The following PCDHGB1 variants were observed in gnomAD, a reference collection of about 807,000 sequenced individuals.
PCDHGB1 encodes protocadherin gamma subfamily B, 1, also known as protocadherin gamma-B1.
A neutral mutation model predicts 56.6 loss-of-function variants in PCDHGB1; 34 were observed. The ratio of observed to expected loss-of-function variants is 0.60; its 90% CI spans 0.46 to 0.80. The LOEUF (loss-of-function observed/expected upper bound fraction) is 0.80, where lower values mean the gene tolerates loss of function less well. PCDHGB1 is among the 30% of genes least tolerant of loss of function. The pLI, the probability that PCDHGB1 is intolerant of heterozygous loss-of-function variation, is 0.00. For missense variants in PCDHGB1, 1,278 were observed against 1,204.6 expected (o/e 1.06, Z -0.90); for synonymous variants, 561 against 505.9 (o/e 1.11, Z -1.46).
At chr5:141,507,785 C>T (rs1203302886) in intron 3 of PCDHGB1, among the ~76,000 whole-genome samples, 1 of 152,222 alleles carries the variant, frequency 6.6e-6, no homozygotes, top group African/African-American at 2.4e-5. Context: ...GCCTGACCCT[C>T]GTCTAAGCCT....
intron 1 of PCDHGB1, among the ~76,000 whole-genome samples, chr5:141,438,745 T>C (rs1004731034): frequency 4.7e-5 from 7 of 147,392 alleles, no homozygotes; most frequent in Non-Finnish European, 1.0e-4. Flanking sequence ...CACTGCAACC[T>C]CTGCCTCCTG....
intron 1 of PCDHGB1, chr5:141,404,701 G>C (rs563319884): frequency 1.2e-6 from 2 of 1,613,956 alleles, no homozygotes; most frequent in Non-Finnish European, 1.7e-6. Context: ...GCTCTGCAGA[G>C]CCTGGCTACC....
At chr5:141,441,746 C>CGTCAA in intron 1 of PCDHGB1, 1 of 371,314 alleles carries the variant, frequency 2.7e-6, no homozygotes, top group Non-Finnish European at 5.4e-6. Context: ...TCGCGCTCGG[C>CGTCAA]GTCAACGTGA....
chr5:141,494,601 A>T (rs1396717178), intron 1 of PCDHGB1, among the ~76,000 whole-genome samples: 1 of 151,892 alleles, frequency 6.6e-6, no homozygotes, highest in East Asian at 1.9e-4. Context: ...ATGAAATGTG[A>T]TTTATCTCTT....
At chr5:141,426,517 A>G (rs893782433) in intron 1 of PCDHGB1, 5 of 343,020 alleles carry the variant, frequency 1.5e-5, no homozygotes, top group African/African-American at 2.1e-5. Context: ...CTTTACCGTG[A>G]ACACGGAGAA....
intron 1 of PCDHGB1, among the ~76,000 whole-genome samples, chr5:141,435,134 A>G (rs1190517186): frequency 6.6e-6 from 1 of 152,190 alleles, no homozygotes; most frequent in Non-Finnish European, 1.5e-5. Context: ...GAAAATATAA[A>G]TAAAATTGTG....
At position 141,431,215 on chromosome 5, in the gene PCDHGB1, C is replaced by G. The variant is rs1225114172; in HGVS notation, c.2410-63592C>G. 1 of 1,614,184 alleles carries G rather than the reference C, an allele frequency of 6.2e-7. No individual in the cohort carries two copies. Among genetic ancestry groups the G allele is most frequent in the Admixed American group, 1.7e-5 (1 of 60,032 alleles). On this transcript the variant is annotated intron_variant, in intron 1 of 3. Coordinates refer to ENST00000523390, the MANE Select transcript of PCDHGB1 (RefSeq NM_018922.3). This position sits in a 1 kb window ranked among gnomAD's most constrained non-coding sequence, Gnocchi z 4.8. ...AAAATGCAGCCACTGAGATGCGGTTCCCTCTACCCCACGCCTGGGATCCGG... is the reference window on the plus strand; with the variant it reads ...AAAATGCAGCCACTGAGATGCGGTTGCCTCTACCCCACGCCTGGGATCCGG...
chr5:141,505,322 G>A, intron 2 of PCDHGB1, 71 bp from the exon 3 acceptor site: 1 of 1,606,332 alleles, frequency 6.2e-7, no homozygotes, highest in African/African-American at 1.3e-5. Context: ...TGGGAGCCCT[G>A]GGAGAGGACA....
At chr5:141,413,867 T>TTG in intron 1 of PCDHGB1, 1 of 1,613,428 alleles carries the variant, frequency 6.2e-7, no homozygotes, top group Non-Finnish European at 8.5e-7. Flanking sequence ...GGCACTGTCC[T>TTG]TGTCAGTGTG....
rs1761587141 is a variant in PCDHGB1 at position 141,360,419 on chromosome 5, T to C, written c.2409+7750T>C. The C allele has an allele frequency of 1.2e-6, 2 of 1,613,968 alleles. No individual in the cohort carries two copies. The highest frequency in any genetic ancestry group is 4.5e-5 in the East Asian group (2 of 44,870). ...AGTGACAGAATAGACCGAGAACAGA[T>C]ATGCGGGAAGCAGCCTCTGTGTGTT... On this transcript the variant is annotated intron_variant, in intron 1 of 3. Transcript: ENST00000523390.
chr5:141,365,179 TGAA>T (rs1323798128), intron 1 of PCDHGB1: 22 of 1,613,762 alleles, frequency 1.4e-5, no homozygotes, highest in Non-Finnish European at 1.9e-5. Context: ...CTTTTCGCAA[TGAA>T]GAAGAAAAAA....
At chr5:141,360,420 A>C (rs766750487) in intron 1 of PCDHGB1, 2 of 1,613,888 alleles carry the variant, frequency 1.2e-6, no homozygotes, top group African/African-American at 2.7e-5. Flanking sequence ...GAGAACAGAT[A>C]TGCGGGAAGC....
chr5:141,497,509 C>T (rs1282025317), intron 2 of PCDHGB1, among the ~76,000 whole-genome samples: 1 of 151,184 alleles, frequency 6.6e-6, no homozygotes, highest in Non-Finnish European at 1.5e-5. Flanking sequence ...CTCTCTGCTT[C>T]CTTAGTTAAC....
chr5:141,357,966 G>T (rs1480314372), intron 1 of PCDHGB1, among the ~76,000 whole-genome samples: 1 of 152,286 alleles, frequency 6.6e-6, no homozygotes, highest in East Asian at 1.9e-4. Flanking sequence ...GAGGAGGACG[G>T]ATTGCCTGAG....
At chr5:141,381,496 A>G (rs139374379) in intron 1 of PCDHGB1, among the ~76,000 whole-genome samples, 67 of 152,346 alleles carry the variant, frequency 4.4e-4, no homozygotes, top group African/African-American at 1.4e-3. Flanking sequence ...TCTCAATTAC[A>G]CTAGAATAGA....
rs70988800 is a variant in PCDHGB1 at position 141,379,889 on chromosome 5, C to CTTTTTTTTTTTTTT, written c.2409+27237_2409+27250dup. ...CTTATTTTATGGTCTGTGAAAGCCT[C>CTTTTTTTTTTTTTT]TTTTTTTTTTTTTTTTTTTTTTTTT... On this transcript the variant is annotated intron_variant, in intron 1 of 3. Coordinates refer to ENST00000523390, the MANE Select transcript of PCDHGB1 (RefSeq NM_018922.3). Among the ~76,000 whole-genome samples, 79 of 50,828 alleles carry CTTTTTTTTTTTTTT rather than the reference C, an allele frequency of 1.6e-3. 14 individuals carry two copies. The highest frequency in any genetic ancestry group is 2.7e-3 in the African/African-American group (40 of 15,084). 33.3% of individuals were successfully genotyped at this position (50,828 alleles called of 152,430 possible).
intron 1 of PCDHGB1, chr5:141,362,058 C>G: frequency 6.2e-7 from 1 of 1,612,152 alleles, no homozygotes. Context: ...CCCGCCAGCG[C>G]CTGCTGGTCG....
chr5:141,419,370 A>T, intron 1 of PCDHGB1: 1 of 1,613,692 alleles, frequency 6.2e-7, no homozygotes, highest in Non-Finnish European at 8.5e-7. Context: ...CTGTCGTCCT[A>T]CGTGTCCGTG....
intron 1 of PCDHGB1, chr5:141,359,968 T>C (rs1761374552): frequency 1.5e-6 from 1 of 669,776 alleles, no homozygotes; most frequent in Non-Finnish European, 2.2e-6. Flanking sequence ...AGAGAAGCGT[T>C]TGGGAGCCTC....
Sources: allele counts gnomAD v4.1 joint callset (sites outside exome capture counted in the v4.1 genomes callset), GRCh38; gene constraint gnomAD v4.1.1; non-coding constraint Gnocchi (gnomAD v3.1); transcripts MANE v1.5; gene names NCBI Gene and HGNC (gene_info 2026-07-23, HGNC 2026-07-21).